Variants in SUPT3H observed in about 807,000 individuals in gnomAD.
SUPT3H encodes the protein transcription initiation protein SPT3 homolog.
In SUPT3H, 44 loss-of-function variants were observed where a neutral mutation model predicts 44.3. The observed-to-expected ratio is 0.99, with a 90% CI of 0.78 to 1.28. SUPT3H has a LOEUF of 1.28. Among genes scored for constraint, SUPT3H ranks in the 50% most tolerant of loss-of-function variants. The probability of loss-of-function intolerance (pLI) is 0.00; values close to 1 mark genes in which losing one functional copy is unlikely to be tolerated. For synonymous variants in SUPT3H, 124 were observed against 125.6 expected (o/e 0.99, Z 0.09); for missense variants, 380 against 387.1 (o/e 0.98, Z 0.15).
intron 3 of SUPT3H, among the ~76,000 whole-genome samples, chr6:45,069,270 G>C (rs139326315): frequency 1.3e-5 from 2 of 152,142 alleles, no homozygotes; most frequent in African/African-American, 4.8e-5. Context: ...CATGCAGAAC[G>C]TGTTAAACAA....
intron 2 of SUPT3H, chr6:45,197,675 T>G (rs770431531): frequency 1.2e-5 from 4 of 326,078 alleles, no homozygotes; most frequent in South Asian, 5.1e-5. Context: ...TTACATAAAA[T>G]AAGAAGATAA....
At chr6:44,882,773 A>T (rs974021866) in intron 10 of SUPT3H, among the ~76,000 whole-genome samples, 2 of 152,226 alleles carry the variant, frequency 1.3e-5, no homozygotes, top group African/African-American at 4.8e-5. Context: ...AAACAGAACC[A>T]ATGACAAAAA....
At chr6:44,982,377 C>T (rs1779217022) in intron 6 of SUPT3H, among the ~76,000 whole-genome samples, 1 of 152,164 alleles carries the variant, frequency 6.6e-6, no homozygotes. Context: ...GTGCCCGCCA[C>T]CACGTCTGGC....
intron 2 of SUPT3H, among the ~76,000 whole-genome samples, chr6:45,204,320 G>A (rs181745853): frequency 6.6e-5 from 9 of 135,518 alleles, no homozygotes; most frequent in Non-Finnish European, 1.3e-4. Flanking sequence ...CATCTTCAGA[G>A]CCAGGTAAGA....
At chr6:44,896,135 G>C (rs1439619894) in intron 10 of SUPT3H, among the ~76,000 whole-genome samples, 1 of 151,888 alleles carries the variant, frequency 6.6e-6, no homozygotes, top group Non-Finnish European at 1.5e-5. Flanking sequence ...TGCTGTGCTA[G>C]TCAATTAGTA....
Position 45,106,009 on chromosome 6 carries a change from G to A in SUPT3H, c.102-3C>T. The stretch of plus-strand genomic sequence containing the variant: ...TTCTAGCATCACCTAAAGAATACCT[G>A]CAAAATAATTTTAAACACACCAATA... On this transcript the variant is annotated splice_polypyrimidine_tract_variant and splice_region_variant and intron_variant, in intron 2 of 10. Transcript: ENST00000371459. The A allele has an allele frequency of 1.9e-6, 3 of 1,611,836 alleles. No homozygotes were observed. Among genetic ancestry groups the A allele is most frequent in the Non-Finnish European group, 1.7e-6 (2 of 1,178,404 alleles).
At chr6:44,949,555 G>A (rs1773944407) in intron 9 of SUPT3H, among the ~76,000 whole-genome samples, 1 of 151,146 alleles carries the variant, frequency 6.6e-6, no homozygotes, top group Non-Finnish European at 1.5e-5. Flanking sequence ...CAGGACTGTT[G>A]TCACAAGATA....
intron 2 of SUPT3H, among the ~76,000 whole-genome samples, chr6:45,204,729 C>T (rs1211803443): frequency 1.3e-5 from 2 of 152,174 alleles, no homozygotes; most frequent in African/African-American, 4.8e-5. Flanking sequence ...GGAATCACTC[C>T]CAGGCTACTG....
At chr6:44,867,489 T>C (rs1775697333) in intron 10 of SUPT3H, among the ~76,000 whole-genome samples, 1 of 152,214 alleles carries the variant, frequency 6.6e-6, no homozygotes, top group Non-Finnish European at 1.5e-5. Flanking sequence ...TCTTCTACTA[T>C]AGATATGATT....
intron 2 of SUPT3H, among the ~76,000 whole-genome samples, chr6:45,292,429 A>G (rs1254556014): frequency 4.3e-4 from 65 of 152,112 alleles, no homozygotes; most frequent in Admixed American, 4.2e-3. Context: ...AACAAAATCT[A>G]ATGTATACAG....
chr6:44,939,078 G>A (rs1392387896), intron 9 of SUPT3H, among the ~76,000 whole-genome samples: 1 of 151,900 alleles, frequency 6.6e-6, no homozygotes, highest in Non-Finnish European at 1.5e-5. Flanking sequence ...CTGCTTTATT[G>A]TTCTGGTTAG....
chr6:44,934,006 T>C (rs749067097), intron 9 of SUPT3H, among the ~76,000 whole-genome samples: 3 of 152,200 alleles, frequency 2.0e-5, no homozygotes, highest in Non-Finnish European at 4.4e-5. Context: ...CTTCAAAGTA[T>C]AGTAGGTAGC....
intron 2 of SUPT3H, among the ~76,000 whole-genome samples, chr6:45,116,404 A>G (rs1449400496): frequency 1.3e-5 from 2 of 152,116 alleles, no homozygotes; most frequent in East Asian, 3.8e-4. Flanking sequence ...CTTTATCTGT[A>G]TTAATTTTTC....
intron 3 of SUPT3H, among the ~76,000 whole-genome samples, chr6:45,020,841 CCAATA>C (rs1192312941): frequency 5.3e-5 from 8 of 151,846 alleles, no homozygotes; most frequent in African/African-American, 1.7e-4. Context: ...CCACCTGTAA[CCAATA>C]CAATAAACAG....
intron 10 of SUPT3H, among the ~76,000 whole-genome samples, chr6:44,886,014 C>T (rs1433397640): frequency 6.6e-6 from 1 of 151,968 alleles, no homozygotes; most frequent in African/African-American, 2.4e-5. Context: ...GAAAGGGTAT[C>T]AGTGATGGAA....
At chr6:45,233,642 C>T (rs528377073) in intron 2 of SUPT3H, among the ~76,000 whole-genome samples, 7 of 152,192 alleles carry the variant, frequency 4.6e-5, no homozygotes, top group Non-Finnish European at 5.9e-5. Flanking sequence ...TCTTCTGTGC[C>T]GCAGATGTTT....
intron 2 of SUPT3H, among the ~76,000 whole-genome samples, chr6:45,166,904 A>G (rs1209908101): frequency 1.3e-5 from 2 of 152,206 alleles, no homozygotes; most frequent in Non-Finnish European, 2.9e-5. Context: ...GAGTAACTAG[A>G]ACTCTCATGC....
intron 2 of SUPT3H, among the ~76,000 whole-genome samples, chr6:45,121,353 T>C (rs145217096): frequency 0.018 from 2,669 of 152,326 alleles, 51 homozygotes; most frequent in South Asian, 0.086. Flanking sequence ...GCTCTGTATG[T>C]CCTGGGGACC....
At chr6:44,898,393 A>G (rs1764429769) in intron 10 of SUPT3H, among the ~76,000 whole-genome samples, 1 of 152,130 alleles carries the variant, frequency 6.6e-6, no homozygotes, top group Non-Finnish European at 1.5e-5. Flanking sequence ...ATCCAATGAG[A>G]ATGCTTCAGC....
Sources: gnomAD v4.1 joint callset for allele counts (sites outside exome capture counted in the v4.1 genomes callset) on GRCh38, gnomAD v4.1.1 for gene constraint, MANE v1.5 for transcripts, NCBI Gene and HGNC (gene_info 2026-07-23, HGNC 2026-07-21) for gene names.